Variants in SGCD observed in about 807,000 individuals in gnomAD.
SGCD encodes sarcoglycan delta.
SGCD carries 18 observed loss-of-function variants against 36.6 expected under a neutral mutation model. The ratio of observed to expected loss-of-function variants is 0.49; its 90% CI spans 0.34 to 0.73. The LOEUF is 0.73. Among genes scored for constraint, SGCD ranks in the 30% least tolerant of loss-of-function variants. The pLI is 0.01. For synonymous variants in SGCD, 133 were observed against 130.6 expected (o/e 1.02, Z -0.12); for missense variants, 387 against 346.7 (o/e 1.12, Z -0.92).
rs551462688 is a variant in SGCD at position 156,061,068 on chromosome 5, T to A, written c.-281-56810T>A. On this transcript the variant is annotated intron_variant, in intron 1 of 9. Coordinates refer to the SGCD transcript ENST00000517913. ...AAATGGCAGCTATTGTTAAAAAAAATAAAAATCTATTCAAGACTTTATCCT... is the reference window on the plus strand; with the variant it reads ...AAATGGCAGCTATTGTTAAAAAAAAAAAAAATCTATTCAAGACTTTATCCT... Among the ~76,000 whole-genome samples, 142 of 145,798 alleles carry A rather than the reference T, an allele frequency of 9.7e-4. 11 individuals are homozygous for A. Among genetic ancestry groups the A allele is most frequent in the African/African-American group, 3.3e-3 (135 of 40,642 alleles).
At chr5:156,009,796 G>A (rs563299633) in intron 1 of SGCD, among the ~76,000 whole-genome samples, 24 of 152,194 alleles carry the variant, frequency 1.6e-4, no homozygotes, top group African/African-American at 4.6e-4. Context: ...TCACTCTGAC[G>A]CCACTGAACT....
At chr5:156,148,778 G>T (rs574029779) in intron 3 of SGCD, among the ~76,000 whole-genome samples, 1 of 152,242 alleles carries the variant, frequency 6.6e-6, no homozygotes, top group South Asian at 2.1e-4. Context: ...CTATGTGCAG[G>T]AGTGCACCTA....
chr5:156,222,394 A>T (rs1764736980), intron 3 of SGCD, among the ~76,000 whole-genome samples: 1 of 152,130 alleles, frequency 6.6e-6, no homozygotes, highest in South Asian at 2.1e-4. Context: ...TACATTAGTG[A>T]TTTCACAGAC....
At chr5:156,314,361 G>A (rs1767461085) in intron 3 of SGCD, among the ~76,000 whole-genome samples, 2 of 151,970 alleles carry the variant, frequency 1.3e-5, no homozygotes, top group South Asian at 4.2e-4. Flanking sequence ...TTTAGGCAGG[G>A]CATAAAGTAA....
At chr5:156,681,203 G>A (rs908010500) in intron 7 of SGCD, among the ~76,000 whole-genome samples, 4 of 152,208 alleles carry the variant, frequency 2.6e-5, no homozygotes, top group Non-Finnish European at 5.9e-5. Flanking sequence ...TGTTTGAAAG[G>A]TATTGAATGC....
At chr5:156,164,705 C>T (rs1334285341) in intron 3 of SGCD, among the ~76,000 whole-genome samples, 1 of 152,196 alleles carries the variant, frequency 6.6e-6, no homozygotes, top group East Asian at 1.9e-4. Flanking sequence ...TTTAACTAAG[C>T]ATTGCCTTTC....
intron 2 of SGCD, among the ~76,000 whole-genome samples, chr5:156,121,346 T>C (rs749417815): frequency 8.5e-5 from 13 of 152,140 alleles, no homozygotes; most frequent in Non-Finnish European, 1.6e-4. Flanking sequence ...CCTAGAGGGA[T>C]AGGTATTTTC....
At chr5:155,820,985 G>A in the SGCD span, among the ~76,000 whole-genome samples, 6 of 152,076 alleles carry the variant, frequency 3.9e-5, no homozygotes, top group African/African-American at 1.2e-4. Context: ...TTGGGGCTTC[G>A]ATGGGGTAGT....
intron 1 of SGCD, among the ~76,000 whole-genome samples, chr5:155,914,200 G>A (rs1756691144): frequency 6.6e-6 from 1 of 152,146 alleles, no homozygotes; most frequent in Admixed American, 6.6e-5. Context: ...AGGTGTGCCA[G>A]GAGCCCTTCA....
At chr5:155,812,982 CTG>C in the SGCD span, among the ~76,000 whole-genome samples, 1 of 151,884 alleles carries the variant, frequency 6.6e-6, no homozygotes, top group Non-Finnish European at 1.5e-5. Context: ...TGCATATTTT[CTG>C]TGTCTTTGGG....
At chr5:156,213,041 A>C (rs2127641890) in intron 3 of SGCD, among the ~76,000 whole-genome samples, 1 of 152,156 alleles carries the variant, frequency 6.6e-6, no homozygotes, top group South Asian at 2.1e-4. Flanking sequence ...GTCTACATCA[A>C]AAAAGAAAAA....
intron 3 of SGCD, among the ~76,000 whole-genome samples, chr5:156,172,149 T>C (rs1763360404): frequency 6.6e-6 from 1 of 152,166 alleles, no homozygotes; most frequent in African/African-American, 2.4e-5. Context: ...CTGGGCATGG[T>C]GGCAGATGCC....
intron 7 of SGCD, among the ~76,000 whole-genome samples, chr5:156,747,085 C>G (rs891998082): frequency 6.7e-6 from 1 of 148,220 alleles, no homozygotes; most frequent in African/African-American, 2.6e-5. Context: ...CATATTTGAA[C>G]ACCCAGTAAA....
intron 3 of SGCD, among the ~76,000 whole-genome samples, chr5:156,187,264 A>G (rs201168841): frequency 6.6e-6 from 1 of 152,174 alleles, no homozygotes; most frequent in East Asian, 1.9e-4. Flanking sequence ...TGCTTGGATA[A>G]TGGGGAATGA....
intron 3 of SGCD, among the ~76,000 whole-genome samples, chr5:156,443,524 C>A (rs2127798096): frequency 6.6e-6 from 1 of 152,180 alleles, no homozygotes; most frequent in East Asian, 1.9e-4. Flanking sequence ...TGATTAAAAG[C>A]TGAACTCATG....
intron 1 of SGCD, among the ~76,000 whole-genome samples, chr5:156,056,124 T>C (rs1760049381): frequency 1.4e-5 from 2 of 146,188 alleles, no homozygotes; most frequent in Non-Finnish European, 3.1e-5. Flanking sequence ...TTGCAAAAAT[T>C]GTGACAGTAA....
At chr5:155,727,853 T>C in the SGCD span, among the ~76,000 whole-genome samples, 1 of 152,166 alleles carries the variant, frequency 6.6e-6, no homozygotes, top group African/African-American at 2.4e-5. Context: ...TCGCTGGGAA[T>C]CCGCACACTC....
At chr5:156,579,533 T>C (rs944100617) in intron 4 of SGCD, among the ~76,000 whole-genome samples, 1 of 152,168 alleles carries the variant, frequency 6.6e-6, no homozygotes, top group Non-Finnish European at 1.5e-5. Flanking sequence ...CCCATTATTA[T>C]TGTGTGGGAG....
chr5:156,586,735 T>A (rs866457542), intron 4 of SGCD, among the ~76,000 whole-genome samples: 1 of 152,230 alleles, frequency 6.6e-6, no homozygotes, highest in Non-Finnish European at 1.5e-5. Context: ...CATATCCCTA[T>A]GATTGTAAGA....
Sources: allele counts gnomAD v4.1 joint callset (sites outside exome capture counted in the v4.1 genomes callset), GRCh38; gene constraint gnomAD v4.1.1; transcripts MANE v1.5; gene names NCBI Gene and HGNC (gene_info 2026-07-23, HGNC 2026-07-21).